Variants in GALNT13 observed in about 807,000 individuals in gnomAD.
GALNT13 encodes the protein polypeptide N-acetylgalactosaminyltransferase 13.
GALNT13 carries 28 observed loss-of-function variants against 64.2 expected under a neutral mutation model. That is an observed-to-expected ratio of 0.44 (90% CI 0.32 to 0.60). The LOEUF (loss-of-function observed/expected upper bound fraction) is 0.60. Ranked by LOEUF, GALNT13 falls within the 20% of genes least tolerant of loss-of-function variation. GALNT13 has a pLI of 0.05. For synonymous variants in GALNT13, 214 were observed against 224.6 expected, an observed-to-expected ratio of 0.95 and a Z score of 0.42; for missense variants, 577 against 669.8, an observed-to-expected ratio of 0.86 and a Z score of 1.53.
intron 3 of GALNT13, among the ~76,000 whole-genome samples, chr2:154,044,607 G>C (rs1699186476): frequency 6.6e-6 from 1 of 152,084 alleles, no homozygotes; most frequent in Non-Finnish European, 1.5e-5. Context: ...CTGGGAGGGA[G>C]ATGATGAATA....
the GALNT13 span, among the ~76,000 whole-genome samples, chr2:153,607,367 T>G: frequency 6.6e-6 from 1 of 152,092 alleles, no homozygotes; most frequent in African/African-American, 2.4e-5. Context: ...AGTCAGACAC[T>G]AAGCTGTCCA....
the GALNT13 span, among the ~76,000 whole-genome samples, chr2:153,489,925 A>T: frequency 6.6e-6 from 1 of 152,092 alleles, no homozygotes; most frequent in Non-Finnish European, 1.5e-5. Flanking sequence ...TTGAAGCTAC[A>T]GTGAGATATA....
At chr2:153,535,568 A>G in the GALNT13 span, among the ~76,000 whole-genome samples, 6 of 152,192 alleles carry the variant, frequency 3.9e-5, no homozygotes, top group African/African-American at 1.4e-4. Context: ...GTCTGGAATG[A>G]GACTGGGGCC....
intron 8 of GALNT13, 96 bp from the exon 9 acceptor site, chr2:154,301,313 T>A (rs1436817993): frequency 4.6e-6 from 5 of 1,078,892 alleles, no homozygotes; most frequent in Non-Finnish European, 6.8e-6. Context: ...GATATTTGCT[T>A]GAAACATGTA....
chr2:153,327,151 G>A, the GALNT13 span, among the ~76,000 whole-genome samples: 1 of 152,054 alleles, frequency 6.6e-6, no homozygotes, highest in Non-Finnish European at 1.5e-5. Context: ...TGACTTACAG[G>A]GTTTCTGCAG....
intron 1 of GALNT13, among the ~76,000 whole-genome samples, chr2:153,891,032 C>A (rs535401379): frequency 6.6e-6 from 1 of 152,128 alleles, no homozygotes; most frequent in South Asian, 2.1e-4. Context: ...TAAATTCTTT[C>A]TTCTACCTAA....
rs1038723350 is a variant in GALNT13 at position 154,446,470 on chromosome 2, C to T, written c.1531-3941C>T. 38 of 1,272,970 alleles carry T rather than the reference C, an allele frequency of 3.0e-5. No homozygotes were observed. In the Admixed American group the frequency reaches 1.0e-3, roughly 34 times the overall value. The allele number at this position is 1,272,970 out of a possible 1,614,324, so 78.9% of individuals were successfully genotyped here. ...AATTATTGTGACATGTGCCTTCCAT[C>T]TTTATCCAGTAGAAATTGCATGTTG... On this transcript the variant is annotated intron_variant, in intron 12 of 12. Transcript: ENST00000392825.
chr2:153,185,142 CGTTATTGGTCT>C, the GALNT13 span, among the ~76,000 whole-genome samples: 1 of 152,106 alleles, frequency 6.6e-6, no homozygotes, highest in East Asian at 1.9e-4. Flanking sequence ...TTTCAGAACT[CGTTATTGGTCT>C]GTTCAGGGAT....
intron 9 of GALNT13, among the ~76,000 whole-genome samples, chr2:154,323,634 AGT>A (rs1694735861): frequency 6.6e-6 from 1 of 152,042 alleles, no homozygotes; most frequent in Non-Finnish European, 1.5e-5. Context: ...CTTGTTTCTA[AGT>A]GTGCATCTTT....
intron 3 of GALNT13, among the ~76,000 whole-genome samples, chr2:153,987,371 G>A (rs1694870609): frequency 6.6e-6 from 1 of 151,880 alleles, no homozygotes; most frequent in Non-Finnish European, 1.5e-5. Context: ...GGGCTTAAGG[G>A]AGAGGGGCCT....
chr2:153,370,183 A>G, the GALNT13 span, among the ~76,000 whole-genome samples: 1 of 152,186 alleles, frequency 6.6e-6, no homozygotes, highest in Admixed American at 6.6e-5. Flanking sequence ...CTATTTATAA[A>G]ATTGAATTGT....
chr2:153,263,371 C>T, the GALNT13 span, among the ~76,000 whole-genome samples: 1 of 152,038 alleles, frequency 6.6e-6, no homozygotes, highest in Non-Finnish European at 1.5e-5. Flanking sequence ...CCATACTGCC[C>T]AAAGTAATTT....
chr2:153,681,817 G>A, the GALNT13 span, among the ~76,000 whole-genome samples: 16 of 151,796 alleles, frequency 1.1e-4, no homozygotes, highest in African/African-American at 3.6e-4. Flanking sequence ...AAGGCATAGC[G>A]TTGAGTTTTG....
chr2:153,073,566 C>T, the GALNT13 span, among the ~76,000 whole-genome samples: 10 of 151,760 alleles, frequency 6.6e-5, no homozygotes, highest in South Asian at 2.1e-3. Flanking sequence ...TATATCCCAC[C>T]CACTTCAGCT....
intron 9 of GALNT13, among the ~76,000 whole-genome samples, chr2:154,390,072 T>C (rs1698712162): frequency 6.6e-6 from 1 of 152,182 alleles, no homozygotes; most frequent in Non-Finnish European, 1.5e-5. Flanking sequence ...TGAATTTCTA[T>C]GTTTATATAA....
intron 3 of GALNT13, among the ~76,000 whole-genome samples, chr2:154,081,319 G>A (rs1277420815): frequency 6.6e-6 from 1 of 151,494 alleles, no homozygotes; most frequent in African/African-American, 2.4e-5. Flanking sequence ...GAGAGAATCA[G>A]GTATTCTCTT....
At chr2:154,106,154 A>G (rs924388257) in intron 3 of GALNT13, among the ~76,000 whole-genome samples, 1 of 152,034 alleles carries the variant, frequency 6.6e-6, no homozygotes, top group African/African-American at 2.4e-5. Flanking sequence ...TTCTTTTAGC[A>G]TGGTATTTTT....
At chr2:153,805,890 T>C in the GALNT13 span, among the ~76,000 whole-genome samples, 2 of 152,044 alleles carry the variant, frequency 1.3e-5, no homozygotes, top group African/African-American at 4.8e-5. Context: ...CCTCTAGTAC[T>C]AAATTTGAAA....
chr2:153,354,397 C>T, the GALNT13 span: 1 of 152,130 alleles, frequency 6.6e-6, no homozygotes, highest in Non-Finnish European at 1.5e-5. Context: ...TATTGTTATG[C>T]CAGCAGAAAA....
Sources: allele counts gnomAD v4.1 joint callset (sites outside exome capture counted in the v4.1 genomes callset), GRCh38; gene constraint gnomAD v4.1.1; transcripts MANE v1.5; gene names NCBI Gene and HGNC (gene_info 2026-07-23, HGNC 2026-07-21).